MAST2: variants seen among roughly 807,000 people sequenced by gnomAD.
The protein encoded by MAST2 is microtubule associated serine/threonine kinase 2, also known as microtubule-associated serine/threonine-protein kinase 2.
MAST2 carries 70 observed loss-of-function variants against 147.4 expected under a neutral mutation model. That is an observed-to-expected ratio of 0.47 (90% CI 0.39 to 0.58). MAST2 has a LOEUF of 0.58. Ranked by LOEUF, MAST2 falls within the 20% of genes least tolerant of loss-of-function variation. MAST2 has a pLI of 0.00. For missense variants in MAST2, 2,080 were observed against 2,302.3 expected, an observed-to-expected ratio of 0.90 and a Z score of 1.98; for synonymous variants, 869 against 896.8, an observed-to-expected ratio of 0.97 and a Z score of 0.55.
At chr1:45,829,102 C>G (rs1383597812) in intron 2 of MAST2, among the ~76,000 whole-genome samples, 1 of 152,016 alleles carries the variant, frequency 6.6e-6, no homozygotes, top group Non-Finnish European at 1.5e-5. Context: ...TCTAATGTTA[C>G]ATTGAGGTGA....
At position 45,925,004 on chromosome 1, in the gene MAST2, A is replaced by G. The variant is rs188450951; in HGVS notation, c.501-34382A>G. Among the ~76,000 whole-genome samples, 105 of 152,330 alleles carry G rather than the reference A, an allele frequency of 6.9e-4. No individual in the cohort carries two copies. The East Asian group carries it at 0.014, about 20-fold the overall frequency. ...TTGGTTAAGTCACCCAGTTTGTGATACTTGGTTATGTATGGCAACCCTAGT... is the reference window on the plus strand; with the variant it reads ...TTGGTTAAGTCACCCAGTTTGTGATGCTTGGTTATGTATGGCAACCCTAGT... On this transcript the variant is annotated intron_variant, in intron 4 of 28. Coordinates refer to ENST00000361297, the MANE Select transcript of MAST2 (RefSeq NM_015112.3).
intron 2 of MAST2, 131 bp from the exon 3 acceptor site, chr1:45,829,308 C>T: frequency 4.0e-6 from 3 of 752,398 alleles, no homozygotes; most frequent in South Asian, 3.0e-5. Context: ...TTAATAGATT[C>T]TAAAATGGAT....
chr1:45,900,324 A>G (rs1380244672), intron 4 of MAST2, among the ~76,000 whole-genome samples: 1 of 152,050 alleles, frequency 6.6e-6, no homozygotes, highest in Non-Finnish European at 1.5e-5. Flanking sequence ...CACCAACAGT[A>G]TATAAGCATT....
At chr1:46,015,525 C>A (rs1187718222) in intron 10 of MAST2, among the ~76,000 whole-genome samples, 1 of 152,132 alleles carries the variant, frequency 6.6e-6, no homozygotes, top group Non-Finnish European at 1.5e-5. Context: ...TACAAACTAC[C>A]ATCAGAGAAT....
intron 3 of MAST2, among the ~76,000 whole-genome samples, chr1:45,860,101 C>A (rs1455109333): frequency 6.6e-6 from 1 of 151,888 alleles, no homozygotes; most frequent in Non-Finnish European, 1.5e-5. Flanking sequence ...CTCATGCCTG[C>A]AATCCTGAGG....
At chr1:45,853,692 A>G (rs920561862) in intron 3 of MAST2, among the ~76,000 whole-genome samples, 2 of 152,010 alleles carry the variant, frequency 1.3e-5, no homozygotes, top group Admixed American at 1.3e-4. Flanking sequence ...AAAATTTTTT[A>G]TACTACCTTT....
rs565826895 is a variant in MAST2, at chr1:45,861,910, C to T, written c.469-20454C>T. Among the ~76,000 whole-genome samples the T allele has an allele frequency of 4.5e-4, 69 of 152,264 alleles. 1 individual carries two copies. In the Middle Eastern group the frequency reaches 0.014, roughly 30 times the overall value. On this transcript the variant is annotated intron_variant, in intron 3 of 28. Coordinates refer to ENST00000361297, the MANE Select transcript of MAST2 (RefSeq NM_015112.3). ...ACTTCAAGTCAGTTAAATTGGATGA[C>T]ATTCTTTAATGATGGGCCTCCAGGC...
At chr1:45,959,827 C>G (rs191804595) in intron 5 of MAST2, among the ~76,000 whole-genome samples, 94 of 152,274 alleles carry the variant, frequency 6.2e-4, no homozygotes, top group Admixed American at 3.3e-3. Context: ...TTTGTACTAC[C>G]GTGCCCAAGG....
chr1:45,993,042 C>T (rs906781426), intron 5 of MAST2, among the ~76,000 whole-genome samples: 1 of 152,006 alleles, frequency 6.6e-6, no homozygotes, highest in African/African-American at 2.4e-5. Context: ...AAGAATCTTC[C>T]ATTTCTCCCC....
At chr1:45,882,283 T>G in intron 3 of MAST2, 81 bp from the exon 4 acceptor site, 1 of 847,940 alleles carries the variant, frequency 1.2e-6, no homozygotes, top group Non-Finnish European at 2.0e-6. Flanking sequence ...GATAATGCTG[T>G]GAATTTCCTA....
At chr1:45,911,530 A>G (rs955042506) in intron 4 of MAST2, among the ~76,000 whole-genome samples, 5 of 152,128 alleles carry the variant, frequency 3.3e-5, no homozygotes, top group Non-Finnish European at 5.9e-5. Context: ...GATTTATAGC[A>G]TTGGAAACTT....
chr1:45,959,510 A>T, intron 5 of MAST2, 33 bp downstream of exon 5: 1 of 1,576,950 alleles, frequency 6.3e-7, no homozygotes, highest in Non-Finnish European at 8.7e-7. Context: ...AGGTTGAATG[A>T]AAGAGTGGCC....
intron 3 of MAST2, among the ~76,000 whole-genome samples, chr1:45,859,391 C>G (rs572886217): frequency 6.6e-6 from 1 of 152,214 alleles, no homozygotes; most frequent in Non-Finnish European, 1.5e-5. Context: ...TGAGCCACCA[C>G]GCCTGGCCCT....
intron 5 of MAST2, among the ~76,000 whole-genome samples, chr1:45,985,891 C>G (rs1644594079): frequency 6.6e-6 from 1 of 152,134 alleles, no homozygotes; most frequent in South Asian, 2.1e-4. Context: ...TTTTTCATTT[C>G]TATTTACAGT....
chr1:45,991,292 T>C (rs1185405362), intron 5 of MAST2, among the ~76,000 whole-genome samples: 1 of 152,226 alleles, frequency 6.6e-6, no homozygotes, highest in African/African-American at 2.4e-5. Flanking sequence ...ACTATAGCTT[T>C]ATAGTGAGTC....
At chr1:45,998,394 A>G (rs905101290) in intron 6 of MAST2, among the ~76,000 whole-genome samples, 1 of 152,232 alleles carries the variant, frequency 6.6e-6, no homozygotes, top group African/African-American at 2.4e-5. Context: ...CTTGAGAGTG[A>G]TAACAAACCT....
chr1:45,967,425 C>T (rs553334181), intron 5 of MAST2, among the ~76,000 whole-genome samples: 1 of 152,170 alleles, frequency 6.6e-6, no homozygotes, highest in East Asian at 1.9e-4. Flanking sequence ...TGCTGTTGAC[C>T]AGAAGCCTTA....
At chr1:45,856,521 C>T (rs1315640205) in intron 3 of MAST2, among the ~76,000 whole-genome samples, 3 of 152,062 alleles carry the variant, frequency 2.0e-5, no homozygotes, top group African/African-American at 7.2e-5. Context: ...TACTTGCATG[C>T]CTTGTAAGTT....
intron 4 of MAST2, among the ~76,000 whole-genome samples, chr1:45,926,173 T>A (rs553565271): frequency 6.6e-6 from 1 of 152,178 alleles, no homozygotes; most frequent in Admixed American, 6.5e-5. Flanking sequence ...TTACTTCACT[T>A]CTTTCTACCT....
Sources: gnomAD v4.1 joint callset for allele counts (sites outside exome capture counted in the v4.1 genomes callset) on GRCh38, gnomAD v4.1.1 for gene constraint, MANE v1.5 for transcripts, NCBI Gene and HGNC (gene_info 2026-07-23, HGNC 2026-07-21) for gene names.